PHACTR1: variants seen among roughly 807,000 people sequenced by gnomAD.
The protein encoded by PHACTR1 is RPEL repeat containing 1.
PHACTR1 carries 16 observed loss-of-function variants against 69.2 expected under a neutral mutation model. That is an observed-to-expected ratio of 0.23 (90% confidence interval 0.16 to 0.35). PHACTR1 has a LOEUF of 0.35. Among genes scored for constraint, PHACTR1 ranks in the 10% least tolerant of loss-of-function variants. The probability of loss-of-function intolerance (pLI) is 1.00; values close to 1 mark genes in which losing one functional copy is unlikely to be tolerated. For synonymous variants in PHACTR1, 312 were observed against 284.5 expected, an observed-to-expected ratio of 1.10 and a Z score of -0.97; for missense variants, 510 against 734.7, an observed-to-expected ratio of 0.69 and a Z score of 3.54.
chr6:13,173,889 T>C (rs1008199670), intron 6 of PHACTR1, among the ~76,000 whole-genome samples: 3 of 152,162 alleles, frequency 2.0e-5, no homozygotes, highest in Non-Finnish European at 4.4e-5. Context: ...TTGTATTTTT[T>C]GTAGAGACGG....
intron 4 of PHACTR1, among the ~76,000 whole-genome samples, chr6:12,960,573 C>A (rs569673718): frequency 5.3e-5 from 8 of 152,348 alleles, no homozygotes; most frequent in Non-Finnish European, 8.8e-5. Context: ...CACTCTACCA[C>A]TGGGTCACAG....
At chr6:13,044,646 C>A (rs572938987) in intron 4 of PHACTR1, among the ~76,000 whole-genome samples, 58 of 152,256 alleles carry the variant, frequency 3.8e-4, no homozygotes, top group African/African-American at 1.3e-3. Context: ...GAAGCCCTTG[C>A]CACCTGGTGG....
chr6:13,236,762 T>C (rs555086570), intron 10 of PHACTR1, among the ~76,000 whole-genome samples: 1 of 152,266 alleles, frequency 6.6e-6, no homozygotes, highest in East Asian at 1.9e-4. Flanking sequence ...GTACTGGGAT[T>C]AGGATTTCAA....
intron 4 of PHACTR1, among the ~76,000 whole-genome samples, chr6:12,874,134 G>A (rs1423359899): frequency 6.6e-6 from 1 of 152,220 alleles, no homozygotes; most frequent in Non-Finnish European, 1.5e-5. Context: ...GTAGGACTGG[G>A]TGGGCCTAAA....
At chr6:12,973,081 C>T (rs564923422) in intron 4 of PHACTR1, among the ~76,000 whole-genome samples, 1 of 152,292 alleles carries the variant, frequency 6.6e-6, no homozygotes, top group South Asian at 2.1e-4. Flanking sequence ...AACCTTTTCT[C>T]AGGACCTTTA....
At chr6:13,093,148 T>C (rs535800736) in intron 5 of PHACTR1, among the ~76,000 whole-genome samples, 1 of 152,340 alleles carries the variant, frequency 6.6e-6, no homozygotes, top group African/African-American at 2.4e-5. Flanking sequence ...TACTTTGTTA[T>C]TTAGAAACAG....
intron 4 of PHACTR1, among the ~76,000 whole-genome samples, chr6:13,036,889 A>AAATG (rs1803391853): frequency 6.6e-6 from 1 of 152,184 alleles, no homozygotes; most frequent in Non-Finnish European, 1.5e-5. Flanking sequence ...TTTCTCTGAG[A>AAATG]AACATTCATT....
chr6:12,961,715 A>G (rs548511165), intron 4 of PHACTR1, among the ~76,000 whole-genome samples: 34 of 152,352 alleles, frequency 2.2e-4, no homozygotes, highest in African/African-American at 7.9e-4. Flanking sequence ...TAAGGCTGCC[A>G]TAACAAAATA....
intron 12 of PHACTR1, chr6:13,281,087 C>A: frequency 5.4e-6 from 7 of 1,289,524 alleles, no homozygotes; most frequent in Non-Finnish European, 6.1e-6. Flanking sequence ...CAAGGCCCCG[C>A]GATGTTCAGG....
chr6:13,178,977 T>C (rs542259984), intron 6 of PHACTR1, among the ~76,000 whole-genome samples: 2 of 152,358 alleles, frequency 1.3e-5, no homozygotes, highest in South Asian at 2.1e-4. Flanking sequence ...GGCTCCCACC[T>C]GTAATCCCAG....
chr6:12,902,374 G>C (rs1441839515), intron 4 of PHACTR1, among the ~76,000 whole-genome samples: 1 of 152,164 alleles, frequency 6.6e-6, no homozygotes, highest in Non-Finnish European at 1.5e-5. Flanking sequence ...AGTGACCAGA[G>C]AGCACACAAC....
At position 12,794,197 on chromosome 6, in the gene PHACTR1, C is replaced by A. The variant is rs1009144806; in HGVS notation, c.250+44407C>A. ...ACATAGTAGGCCCTCAAATATGAGA[C>A]CCCTTCTTCTTCCTTTAAGTCATAG... On this transcript the variant is annotated intron_variant, in intron 4 of 14. Transcript: ENST00000332995. Among the ~76,000 whole-genome samples, 9 of 152,280 alleles carry A rather than the reference C, an allele frequency of 5.9e-5. No homozygotes were observed. The East Asian group carries it at 1.5e-3, about 26-fold the overall frequency.
At chr6:13,139,823 T>C (rs1457069516) in intron 5 of PHACTR1, among the ~76,000 whole-genome samples, 1 of 152,172 alleles carries the variant, frequency 6.6e-6, no homozygotes, top group Admixed American at 6.5e-5. Flanking sequence ...AAAACCTTCA[T>C]TTCCTTTTCT....
intron 7 of PHACTR1, among the ~76,000 whole-genome samples, chr6:13,187,774 C>T (rs61274020): frequency 4.6e-5 from 7 of 152,296 alleles, no homozygotes; most frequent in Non-Finnish European, 7.4e-5. Context: ...CCCTGAGCCA[C>T]GGATACCATT....
At chr6:12,742,340 G>C (rs1765160684) in intron 3 of PHACTR1, among the ~76,000 whole-genome samples, 1 of 152,286 alleles carries the variant, frequency 6.6e-6, no homozygotes, top group African/African-American at 2.4e-5. Flanking sequence ...TATGGCATCT[G>C]TAAACTGTCA....
At chr6:12,731,219 T>C (rs1405793200) in intron 3 of PHACTR1, among the ~76,000 whole-genome samples, 1 of 152,136 alleles carries the variant, frequency 6.6e-6, no homozygotes, top group Admixed American at 6.6e-5. Flanking sequence ...TTTCACCATG[T>C]TGGCCAGGCT....
intron 4 of PHACTR1, among the ~76,000 whole-genome samples, chr6:12,932,694 A>C (rs1789000603): frequency 6.6e-6 from 1 of 152,158 alleles, no homozygotes; most frequent in Non-Finnish European, 1.5e-5. Flanking sequence ...ATTCCGAATG[A>C]TCCCAGTGGT....
At position 13,178,200 on chromosome 6, in the gene PHACTR1, A is replaced by C. The variant is rs150040028; in HGVS notation, c.497-4319A>C. Among the ~76,000 whole-genome samples the C allele has an allele frequency of 4.8e-3, 727 of 152,128 alleles. 4 individuals are homozygous for C. Among genetic ancestry groups the C allele is most frequent in the African/African-American group, 0.017 (699 of 41,504 alleles). On this transcript the variant is annotated intron_variant, in intron 6 of 14. Coordinates refer to ENST00000332995, the MANE Select transcript of PHACTR1 (RefSeq NM_030948.6). ...TTAGACGTGTCTGCCTCTGAAACAC[A>C]TTTTTCTTTTCCACTTCATCCTTCT...
At chr6:12,936,722 G>C (rs2127535913) in intron 4 of PHACTR1, among the ~76,000 whole-genome samples, 1 of 152,356 alleles carries the variant, frequency 6.6e-6, no homozygotes, top group South Asian at 2.1e-4. Flanking sequence ...CAAGGCAGGA[G>C]ACTGCAAGCA....
Sources: allele counts gnomAD v4.1 joint callset (sites outside exome capture counted in the v4.1 genomes callset), GRCh38; gene constraint gnomAD v4.1.1; transcripts MANE v1.5; gene names NCBI Gene and HGNC (gene_info 2026-07-23, HGNC 2026-07-21).